Variants in ZNF410 observed in about 807,000 individuals in gnomAD.
The protein encoded by ZNF410 is another partner for ARF 1.
ZNF410 carries 18 observed loss-of-function variants against 54.8 expected under a neutral mutation model. The observed-to-expected ratio is 0.33, with a 90% CI of 0.23 to 0.49. The LOEUF (loss-of-function observed/expected upper bound fraction) is 0.49. Ranked by LOEUF, ZNF410 falls within the 20% of genes least tolerant of loss-of-function variation. The probability of loss-of-function intolerance (pLI) is 0.99; values close to 1 mark genes in which losing one functional copy is unlikely to be tolerated. For missense variants in ZNF410, 405 were observed against 569.6 expected (o/e 0.71, Z 2.94); for synonymous variants, 191 against 207.3 (o/e 0.92, Z 0.68).
intron 11 of ZNF410, among the ~76,000 whole-genome samples, chr14:73,931,271 G>A (rs1459612948): frequency 6.6e-6 from 1 of 152,172 alleles, no homozygotes; most frequent in Non-Finnish European, 1.5e-5. Flanking sequence ...TATAGACTCA[G>A]AATATTTGAT....
At chr14:73,911,212 GAA>G (rs2055572554) in intron 8 of ZNF410, among the ~76,000 whole-genome samples, 1 of 152,146 alleles carries the variant, frequency 6.6e-6, no homozygotes, top group Admixed American at 6.6e-5. Context: ...GGGTACTGGA[GAA>G]AATAGGTGAT....
chr14:73,916,355 C>T (rs1483627013), intron 8 of ZNF410: 1 of 152,110 alleles, frequency 6.6e-6, no homozygotes, highest in Middle Eastern at 3.2e-3. Context: ...TTAATGTTTG[C>T]ATATTTTTTA....
intron 7 of ZNF410, among the ~76,000 whole-genome samples, chr14:73,905,966 C>CATAT (rs1197338487): frequency 1.2e-3 from 79 of 66,600 alleles, no homozygotes; most frequent in South Asian, 2.9e-3. Flanking sequence ...CACACACACA[C>CATAT]ACATATATAT....
At chr14:73,919,027 T>TG (rs2055715257) in intron 8 of ZNF410, among the ~76,000 whole-genome samples, 1 of 100,556 alleles carries the variant, frequency 9.9e-6, no homozygotes, top group Non-Finnish European at 1.9e-5. Flanking sequence ...TTTTTTTTTT[T>TG]GACAGAGTCT....
At chr14:73,925,146 TTG>T (rs1491074077) in intron 11 of ZNF410, among the ~76,000 whole-genome samples, 3 of 151,510 alleles carry the variant, frequency 2.0e-5, no homozygotes, top group African/African-American at 7.3e-5. Context: ...TTTCTTTTTA[TTG>T]TTGTGACCCA....
chr14:73,932,447 T>TA lies in ZNF410; in HGVS notation c.*907dup. ...ATCTTCATTTCTTAAGCCCAGGTGA[T>TA]AGTTACTCTGTCACCACCAAAAAAG... On this transcript the variant is annotated 3_prime_UTR_variant, in exon 12 of 12. Transcript: ENST00000555044. The TA allele has an allele frequency of 2.2e-6, 1 of 455,220 alleles. No homozygotes were observed. The highest frequency in any genetic ancestry group is 4.4e-6 in the Non-Finnish European group (1 of 226,634). The allele number at this position is 455,220 out of a possible 1,614,324, so 28.2% of individuals were successfully genotyped here. A position where few individuals can be genotyped will look rare whatever the true frequency, so the allele number is the denominator to read the frequency against.
chr14:73,894,859 C>T (rs1291779104), intron 3 of ZNF410, among the ~76,000 whole-genome samples: 1 of 152,098 alleles, frequency 6.6e-6, no homozygotes, highest in Non-Finnish European at 1.5e-5. Flanking sequence ...GGGGAAAGAA[C>T]CAGTTAGAAA....
chr14:73,893,323 TATC>T (rs1192059704), intron 2 of ZNF410: 2 of 152,540 alleles, frequency 1.3e-5, no homozygotes, highest in African/African-American at 4.8e-5. Context: ...TGGTAGTTGA[TATC>T]ATTATTATGC....
intron 8 of ZNF410, 129 bp downstream of exon 8, chr14:73,909,559 A>G: frequency 1.5e-6 from 1 of 659,090 alleles, no homozygotes; most frequent in South Asian, 2.0e-5. Flanking sequence ...GCTTCTCATC[A>G]TCATGACAGA....
chr14:73,897,677 C>G (rs2041188), intron 4 of ZNF410, among the ~76,000 whole-genome samples: 51,043 of 151,860 alleles, frequency 0.34, 9,672 homozygotes, highest in Non-Finnish European at 0.42. Context: ...TTATTTAGGA[C>G]ATGGAGAGTT....
chr14:73,893,977 G>A (rs769263105), intron 3 of ZNF410, 45 bp downstream of exon 3: 32 of 1,576,238 alleles, frequency 2.0e-5, no homozygotes, highest in Non-Finnish European at 2.7e-5. Context: ...AGTCTTAAGA[G>A]CTTAGCCTAC....
intron 7 of ZNF410, among the ~76,000 whole-genome samples, chr14:73,905,920 T>C (rs962402259): frequency 6.7e-6 from 1 of 148,358 alleles, no homozygotes; most frequent in Non-Finnish European, 1.5e-5. Flanking sequence ...CACATACATA[T>C]ATATACACAT....
At chr14:73,907,395 C>T (rs1159631799) in intron 7 of ZNF410, among the ~76,000 whole-genome samples, 2 of 151,952 alleles carry the variant, frequency 1.3e-5, no homozygotes, top group Non-Finnish European at 2.9e-5. Flanking sequence ...GGCAAGAGTT[C>T]GAGACCAGCT....
chr14:73,909,249 C>A, intron 7 of ZNF410, 92 bp from the exon 8 acceptor site: 2 of 1,044,118 alleles, frequency 1.9e-6, no homozygotes, highest in Non-Finnish European at 1.4e-6. Context: ...GTAGGTAAGT[C>A]ATTAGACTCT....
intron 8 of ZNF410, among the ~76,000 whole-genome samples, chr14:73,919,492 C>T (rs2055723117): frequency 1.3e-5 from 2 of 152,086 alleles, no homozygotes; most frequent in African/African-American, 2.4e-5. Flanking sequence ...TCTTTGTGTC[C>T]ATAAGTACCC....
In ZNF410 at chr14:73,892,247, C is replaced by T. The variant is rs201800416; in HGVS notation, c.33+39C>T. The T allele has an allele frequency of 9.3e-6, 15 of 1,606,200 alleles. No individual in the cohort carries two copies. In the East Asian group the frequency reaches 2.9e-4, roughly 31 times the overall value. On this transcript the variant is annotated intron_variant, in intron 2 of 11. Coordinates refer to ENST00000555044, the MANE Select transcript of ZNF410 (RefSeq NM_021188.3). ...GCTTGTTTCCTTTTCTTTTGGTGGG[C>T]TATATTTCAAAGTTTATCTTCAGTT...
At chr14:73,931,389 C>A (rs2055912183) in intron 11 of ZNF410, 114 bp from the exon 12 acceptor site, 1 of 860,930 alleles carries the variant, frequency 1.2e-6, no homozygotes, top group African/African-American at 1.7e-5. Flanking sequence ...AGATAGCCTT[C>A]ATTCACCCCT....
intron 10 of ZNF410, among the ~76,000 whole-genome samples, chr14:73,923,029 C>G (rs1282454330): frequency 6.6e-6 from 1 of 152,132 alleles, no homozygotes; most frequent in African/African-American, 2.4e-5. Flanking sequence ...TTTTGTTACT[C>G]ATATCATATT....
chr14:73,900,399 G>C (rs1020231172), intron 5 of ZNF410, among the ~76,000 whole-genome samples: 1 of 143,320 alleles, frequency 7.0e-6, no homozygotes, highest in African/African-American at 2.6e-5. Flanking sequence ...TTTTGAGACC[G>C]AGTCTCAGTC....
Sources: allele counts gnomAD v4.1 joint callset (sites outside exome capture counted in the v4.1 genomes callset), GRCh38; gene constraint gnomAD v4.1.1; transcripts MANE v1.5; gene names NCBI Gene and HGNC (gene_info 2026-07-23, HGNC 2026-07-21).